SMARCA4: variants seen among roughly 807,000 people sequenced by gnomAD.
SMARCA4 encodes the protein SWI/SNF-related matrix-associated actin-dependent regulator of chromatin subfamily A member 4.
A neutral mutation model predicts 193.9 loss-of-function variants in SMARCA4; 31 were observed. That is an observed-to-expected ratio of 0.16 (90% CI 0.12 to 0.22). The LOEUF (loss-of-function observed/expected upper bound fraction) is 0.22, where lower values mean the gene tolerates loss of function less well. Among genes scored for constraint, SMARCA4 ranks in the 10% least tolerant of loss-of-function variants. The pLI, the probability that SMARCA4 is intolerant of heterozygous loss-of-function variation, is 1.00. For synonymous variants in SMARCA4, 942 were observed against 933.1 expected (o/e 1.01, Z -0.17); for missense variants, 1,148 against 2,296.0 (o/e 0.50, Z 10.22).
At chr19:11,020,627 G>A (rs2089780248) in intron 18 of SMARCA4, 1 of 152,106 alleles carries the variant, frequency 6.6e-6, no homozygotes, top group Non-Finnish European at 1.5e-5. Context: ...GTACTGCCCA[G>A]GCTGGTCTCA....
At chr19:10,996,122 C>T in intron 9 of SMARCA4, 91 bp from the exon 10 acceptor site, 1 of 1,318,498 alleles carries the variant, frequency 7.6e-7, no homozygotes, top group Non-Finnish European at 1.1e-6. Context: ...GCTACGCGTG[C>T]CCTCAGTGCG....
intron 30 of SMARCA4, among the ~76,000 whole-genome samples, chr19:11,042,240 T>G (rs954447536): frequency 6.6e-6 from 1 of 152,156 alleles, no homozygotes; most frequent in Non-Finnish European, 1.5e-5. Flanking sequence ...GGATCATGAG[T>G]GCCATTTATA....
At chr19:11,002,819 AAAG>A (rs1184784117) in intron 11 of SMARCA4, among the ~76,000 whole-genome samples, 14 of 151,058 alleles carry the variant, frequency 9.3e-5, no homozygotes, top group South Asian at 4.2e-4. Flanking sequence ...AAAAAAAAAA[AAAG>A]AAGAAACAAG....
At chr19:11,017,970 G>A (rs1039492721) in intron 16 of SMARCA4, among the ~76,000 whole-genome samples, 1 of 152,242 alleles carries the variant, frequency 6.6e-6, no homozygotes, top group Non-Finnish European at 1.5e-5. Flanking sequence ...GCGCAAGGCT[G>A]CTGAGCCTCT....
chr19:10,979,134 C>G (rs904847904), intron 1 of SMARCA4, among the ~76,000 whole-genome samples: 1 of 152,048 alleles, frequency 6.6e-6, no homozygotes, highest in Non-Finnish European at 1.5e-5. Context: ...ATGAAGAGCA[C>G]CTGGAATGCT....
intron 1 of SMARCA4, among the ~76,000 whole-genome samples, chr19:10,965,582 T>A (rs950462973): frequency 6.6e-6 from 1 of 152,182 alleles, no homozygotes; most frequent in African/African-American, 2.4e-5. Context: ...CGTTGTGAGA[T>A]GATTTTGTGG....
intron 7 of SMARCA4, 104 bp downstream of exon 7, chr19:10,989,547 G>C (rs1278281846): frequency 2.1e-6 from 3 of 1,396,292 alleles, no homozygotes; most frequent in Non-Finnish European, 3.0e-6. Flanking sequence ...CACCTGCCTG[G>C]GCTGTGAAAA....
chr19:11,041,065 A>G lies in SMARCA4; in HGVS notation c.4171-242A>G, dbSNP rs983624285. The stretch of plus-strand genomic sequence containing the variant: ...TTTTTTTTGGTCAAGAAATTCAACC[A>G]TTAGTTTTTTAAAGACAAGCTTGGG... On this transcript the variant is annotated intron_variant, in intron 29 of 34. Transcript: ENST00000344626. The surrounding 1 kb of genome is among the most constrained non-coding windows in gnomAD (Gnocchi z 5.6). The G allele has an allele frequency of 1.3e-5, 7 of 530,726 alleles. No homozygotes were observed. Among genetic ancestry groups the G allele is most frequent in the East Asian group, 3.1e-5 (1 of 32,492 alleles). 32.9% of individuals were successfully genotyped at this position (530,726 alleles called of 1,614,324 possible).
At chr19:11,001,615 C>T (rs2087644347) in intron 11 of SMARCA4, among the ~76,000 whole-genome samples, 1 of 152,138 alleles carries the variant, frequency 6.6e-6, no homozygotes, top group Admixed American at 6.6e-5. Flanking sequence ...AAGTCCCTGA[C>T]TGAGGCAGCC....
chr19:10,999,800 G>C (rs1238121541), intron 11 of SMARCA4, among the ~76,000 whole-genome samples: 1 of 152,114 alleles, frequency 6.6e-6, no homozygotes, highest in African/African-American at 2.4e-5. Flanking sequence ...TTACTTACCT[G>C]CTCCATTTTA....
chr19:11,005,415 G>T (rs983674192), intron 13 of SMARCA4, among the ~76,000 whole-genome samples: 2 of 152,202 alleles, frequency 1.3e-5, no homozygotes, highest in Admixed American at 6.6e-5. Context: ...GTCATCCAAA[G>T]ATTGGCCACA....
chr19:11,018,534 GC>G (rs1301329086), intron 16 of SMARCA4, among the ~76,000 whole-genome samples: 1 of 152,160 alleles, frequency 6.6e-6, no homozygotes, highest in African/African-American at 2.4e-5. Flanking sequence ...CTGGAGGGTG[GC>G]AGAAAGACTG....
rs1017824275 is a variant in SMARCA4, at chr19:10,976,919, C to G, written c.-31-7202C>G. Among the ~76,000 whole-genome samples the G allele has an allele frequency of 1.3e-5, 2 of 151,340 alleles. 1 individual carries two copies. The highest frequency in any genetic ancestry group is 4.2e-4 in the South Asian group (2 of 4,798). Reference sequence around the variant, plus strand: ...AAAATACAAAAAAATTAGCCAGGTTCGGCAGTGTGCGCCTGTAGTCCCAGC... The same window carrying G: ...AAAATACAAAAAAATTAGCCAGGTTGGGCAGTGTGCGCCTGTAGTCCCAGC... On this transcript the variant is annotated intron_variant, in intron 1 of 34. Coordinates refer to ENST00000344626, the MANE Select transcript of SMARCA4 (RefSeq NM_003072.5).
Position 10,986,279 on chromosome 19 carries a change from C to A in SMARCA4, c.446C>A (p.Pro149Gln). ...TCGGGGCCCCAGATGTCTTCCGGGC[C>A]AGGAGGTGCCCCGCTGGATGGTGCT... ...PSSGPQMSSG[P>Q]GGAPLDGADP... Residue 149 changes from proline to glutamine, a missense_variant, in exon 4 of 35, where the codon CCA (proline) becomes CAA (glutamine). Physicochemically the swap from Pro to Gln is moderately conservative, Grantham distance 76. Transcript: ENST00000344626. The surrounding 1 kb of genome is among the most constrained non-coding windows in gnomAD (Gnocchi z 6.7). The A allele has an allele frequency of 6.2e-7, 1 of 1,613,854 alleles. No individual in the cohort carries two copies. Among genetic ancestry groups the A allele is most frequent in the Admixed American group, 1.7e-5 (1 of 60,030 alleles).
chr19:11,041,336 C>A lies in SMARCA4; in HGVS notation c.4200C>A (p.Ile1400=), dbSNP rs577059244. 1 of 1,611,868 alleles carries A rather than the reference C, an allele frequency of 6.2e-7. No individual in the cohort carries two copies. ...TCGAGGAGGGCACGCTGGAGGAGAT[C>A]GAAGAGGAGGTCCGGCAGAAGAAAT... is the stretch of plus-strand genomic sequence containing the variant. ...KAIEEGTLEE[I]EEEVRQKKSS... The change falls in exon 30 of 35, where the codon ATC becomes ATA. Residue 1400 remains isoleucine (I), a synonymous_variant. Coordinates refer to ENST00000344626, the MANE Select transcript of SMARCA4 (RefSeq NM_003072.5). The surrounding 1 kb of genome is among the most constrained non-coding windows in gnomAD (Gnocchi z 5.6).
Position 11,003,020 on chromosome 19 carries a change from CTT to C in SMARCA4, c.1813-5_1813-4del. 6.2e-7 allele frequency: 1 copy of C among 1,614,022 alleles called. No homozygotes were observed. The highest frequency in any genetic ancestry group is 8.5e-7 in the Non-Finnish European group (1 of 1,179,998). ...CAACCTCAGTGTCACACGAATGACT[CTT>C]TTTCAGCCTCTGGACGAGACCAGCC... On this transcript the variant is annotated splice_region_variant and splice_polypyrimidine_tract_variant and intron_variant, in intron 11 of 34. Transcript: ENST00000344626.
intron 24 of SMARCA4, 106 bp downstream of exon 24, chr19:11,028,056 G>A (rs1248982408): frequency 1.7e-5 from 21 of 1,268,264 alleles, no homozygotes; most frequent in Middle Eastern, 1.9e-4. Flanking sequence ...AGGCCCAGGC[G>A]CTCTGGGTCC....
chr19:11,003,382 A>C lies in SMARCA4; in HGVS notation c.1986A>C (p.Ser662=). ...GGTCTGATAGTGAAGAAAGTGGCTC[A>C]GAAGAAGAGGAAGAGGTAAGAGTGC... is the stretch of plus-strand genomic sequence containing the variant. ...APRSDSEESG[S]EEEEEEEEEE... is the part of the protein sequence containing the mutation. Residue 662 remains serine (S), a synonymous_variant, in exon 13 of 35, where the codon TCA becomes TCC. Coordinates refer to ENST00000344626, the MANE Select transcript of SMARCA4 (RefSeq NM_003072.5). 6.2e-7 allele frequency: 1 copy of C among 1,614,078 alleles called. No homozygotes were observed. The highest frequency in any genetic ancestry group is 1.7e-5 in the Admixed American group (1 of 60,018).
chr19:10,964,663 G>T (rs909824828), intron 1 of SMARCA4, among the ~76,000 whole-genome samples: 1 of 151,228 alleles, frequency 6.6e-6, no homozygotes, highest in Non-Finnish European at 1.5e-5. Flanking sequence ...TGTCGCCCAG[G>T]CTGGAGTGCA....
Sources: gnomAD v4.1 joint callset for allele counts (sites outside exome capture counted in the v4.1 genomes callset) on GRCh38, gnomAD v4.1.1 for gene constraint, Gnocchi (gnomAD v3.1) non-coding constraint, MANE v1.5 for transcripts, NCBI Gene and HGNC (gene_info 2026-07-23, HGNC 2026-07-21) for gene names.